SLC30A9: variants seen among roughly 807,000 people sequenced by gnomAD.
The protein encoded by SLC30A9 is proton-coupled zinc antiporter SLC30A9, mitochondrial.
SLC30A9 carries 58 observed loss-of-function variants against 87.5 expected under a neutral mutation model. The observed-to-expected ratio is 0.66, with a 90% CI of 0.54 to 0.82. The LOEUF is 0.82. SLC30A9 is among the 40% of genes least tolerant of loss of function. SLC30A9 has a pLI of 0.00. For missense variants in SLC30A9, 557 were observed against 679.1 expected (o/e 0.82, Z 2.00); for synonymous variants, 234 against 233.0 (o/e 1.00, Z -0.04).
chr4:42,062,914 C>A (rs1717921150), intron 10 of SLC30A9, 72 bp from the exon 11 acceptor site: 5 of 1,250,672 alleles, frequency 4.0e-6, no homozygotes, highest in Middle Eastern at 2.0e-4. Context: ...TTTTCATTGA[C>A]CTATTAAGCA....
intron 15 of SLC30A9, among the ~76,000 whole-genome samples, chr4:42,071,757 A>T (rs954173436): frequency 6.6e-6 from 1 of 152,112 alleles, no homozygotes; most frequent in Non-Finnish European, 1.5e-5. Context: ...GATAATCCAA[A>T]TTAATATCCT....
intron 15 of SLC30A9, among the ~76,000 whole-genome samples, chr4:42,072,302 T>G (rs1340074329): frequency 6.6e-6 from 1 of 152,058 alleles, no homozygotes; most frequent in Non-Finnish European, 1.5e-5. Context: ...TTTTTTTCCT[T>G]CTGCGTGCTT....
chr4:42,040,621 C>T (rs556615788), intron 8 of SLC30A9, among the ~76,000 whole-genome samples: 2 of 151,816 alleles, frequency 1.3e-5, no homozygotes, highest in African/African-American at 4.8e-5. Flanking sequence ...CACGGTGAAA[C>T]CCCGTCTCTA....
intron 17 of SLC30A9, chr4:42,078,847 C>A (rs958058747): frequency 1.1e-4 from 17 of 152,100 alleles, no homozygotes; most frequent in African/African-American, 4.1e-4. Context: ...TCTCAAATTG[C>A]CATTTATTGA....
At position 42,060,236 on chromosome 4, in the gene SLC30A9, C is replaced by G. The variant is rs1717789158; in HGVS notation, c.886C>G (p.Pro296Ala). 6.2e-7 allele frequency: 1 copy of G among 1,611,190 alleles called. No individual in the cohort carries two copies. Among genetic ancestry groups the G allele is most frequent in the Admixed American group, 1.7e-5 (1 of 59,990 alleles). ...GISKSVQTPD[P>A]SHPYGFSNMR... ...CAGTAAGTCTGTTCAAACACCAGATCCTTCTCATCCGTAAGGACATTGCCT... is the reference window on the plus strand; with the variant it reads ...CAGTAAGTCTGTTCAAACACCAGATGCTTCTCATCCGTAAGGACATTGCCT... The change falls in exon 10 of 18, where the codon CCT becomes GCT. Residue 296 changes from proline to alanine, a missense_variant. Physicochemically the swap from Pro to Ala is conservative, Grantham distance 27. Coordinates refer to ENST00000264451, the MANE Select transcript of SLC30A9 (RefSeq NM_006345.4).
chr4:42,035,457 T>A, intron 7 of SLC30A9, 124 bp downstream of exon 7: 1 of 1,102,858 alleles, frequency 9.1e-7, no homozygotes. Context: ...ACATTGTAGT[T>A]CACTGAATTA....
chr4:42,064,116 G>A (rs948087699), intron 11 of SLC30A9, among the ~76,000 whole-genome samples: 2 of 152,116 alleles, frequency 1.3e-5, no homozygotes, highest in African/African-American at 2.4e-5. Context: ...CCAATATCCC[G>A]GGGGACACAC....
chr4:42,033,508 T>C (rs1438038809), intron 6 of SLC30A9, among the ~76,000 whole-genome samples: 6 of 152,028 alleles, frequency 3.9e-5, no homozygotes, highest in Admixed American at 2.6e-4. Context: ...TAATATTTTT[T>C]AAAAAAACGT....
At chr4:42,002,324 C>G (rs2153133036) in intron 2 of SLC30A9, among the ~76,000 whole-genome samples, 1 of 151,972 alleles carries the variant, frequency 6.6e-6, no homozygotes, top group East Asian at 1.9e-4. Context: ...GGGTTTGTTA[C>G]ATGGTATTTT....
At chr4:42,020,232 A>G (rs537810263) in intron 3 of SLC30A9, among the ~76,000 whole-genome samples, 184 bp from the exon 4 acceptor site, 8 of 152,230 alleles carry the variant, frequency 5.3e-5, no homozygotes, top group Non-Finnish European at 1.2e-4. Flanking sequence ...CAAAAGCTAG[A>G]TGGCTACAAA....
chr4:42,070,729 A>T, intron 15 of SLC30A9, 38 bp downstream of exon 15: 1 of 1,527,856 alleles, frequency 6.5e-7, no homozygotes, highest in South Asian at 1.3e-5. Flanking sequence ...AGGCTTACAA[A>T]AACATATTAA....
chr4:42,075,890 C>T (rs938718261), intron 16 of SLC30A9, 104 bp downstream of exon 16: 90 of 1,117,540 alleles, frequency 8.1e-5, no homozygotes, highest in Middle Eastern at 6.0e-4. Flanking sequence ...CACTTTAGCT[C>T]TCAACTTCTT....
intron 11 of SLC30A9, among the ~76,000 whole-genome samples, chr4:42,063,451 C>G (rs1318757334): frequency 6.6e-6 from 1 of 152,172 alleles, no homozygotes; most frequent in Non-Finnish European, 1.5e-5. Context: ...CAAGAATAGT[C>G]TCATTTCAGT....
At chr4:42,066,749 T>A in intron 13 of SLC30A9, 128 bp downstream of exon 13, 1 of 585,148 alleles carries the variant, frequency 1.7e-6, no homozygotes, top group Non-Finnish European at 2.9e-6. Context: ...TGTGTGGCTC[T>A]TACATATCCT....
chr4:42,039,849 G>A (rs1716847662), intron 8 of SLC30A9, among the ~76,000 whole-genome samples: 1 of 151,926 alleles, frequency 6.6e-6, no homozygotes, highest in Non-Finnish European at 1.5e-5. Flanking sequence ...TTTTAGGATG[G>A]ATGAAATCAT....
At chr4:42,056,453 C>T (rs959370870) in intron 9 of SLC30A9, among the ~76,000 whole-genome samples, 9 of 152,120 alleles carry the variant, frequency 5.9e-5, no homozygotes, top group Non-Finnish European at 8.8e-5. Flanking sequence ...AGGGAAACTC[C>T]CCTTTTTAAA....
Position 42,070,581 on chromosome 4 carries a change from G to T in SLC30A9, c.1308G>T (p.Met436Ile). The T allele has an allele frequency of 6.2e-7, 1 of 1,613,234 alleles. No homozygotes were observed. Residue 436 changes from methionine to isoleucine, a missense_variant, in exon 15 of 18, where the codon ATG becomes ATT. Coordinates refer to ENST00000264451, the MANE Select transcript of SLC30A9 (RefSeq NM_006345.4). ...TGGGTGTGGGCACCTTATTAGGCAT[G>T]GTCTCAGCATTCCTCATCTACACTA... is the stretch of plus-strand genomic sequence containing the variant. ...GSLGVGTLLG[M>I]VSAFLIYTNT...
At chr4:42,025,540 G>A (rs1716150455) in intron 6 of SLC30A9, among the ~76,000 whole-genome samples, 1 of 152,174 alleles carries the variant, frequency 6.6e-6, no homozygotes, top group African/African-American at 2.4e-5. Flanking sequence ...TGTTGAATAA[G>A]TATAGTTTTC....
chr4:42,032,118 G>C (rs572098565), intron 6 of SLC30A9, among the ~76,000 whole-genome samples: 1 of 152,232 alleles, frequency 6.6e-6, no homozygotes, highest in South Asian at 2.1e-4. Context: ...TAAATGACCA[G>C]ATCTCATGAG....
Sources: allele counts gnomAD v4.1 joint callset (sites outside exome capture counted in the v4.1 genomes callset), GRCh38; gene constraint gnomAD v4.1.1; transcripts MANE v1.5; gene names NCBI Gene and HGNC (gene_info 2026-07-23, HGNC 2026-07-21).